Variants in DENND5B observed in about 807,000 individuals in gnomAD.
DENND5B encodes the protein DENN domain-containing protein 5B.
Under a neutral mutation model 140.6 loss-of-function variants are expected in DENND5B, and 34 were observed. The ratio of observed to expected loss-of-function variants is 0.24; its 90% CI spans 0.18 to 0.32. DENND5B has a LOEUF of 0.32. Ranked by LOEUF, DENND5B falls within the 10% of genes least tolerant of loss-of-function variation. The pLI, the probability that DENND5B is intolerant of heterozygous loss-of-function variation, is 1.00. For missense variants in DENND5B, 1,142 were observed against 1,560.2 expected (o/e 0.73, Z 4.52); for synonymous variants, 551 against 562.1 (o/e 0.98, Z 0.28).
chr12:31,447,992 TAC>T (rs1221453287), intron 5 of DENND5B, among the ~76,000 whole-genome samples: 1 of 152,228 alleles, frequency 6.6e-6, no homozygotes, highest in Non-Finnish European at 1.5e-5. Context: ...TTACAAAATT[TAC>T]ATTCTGATCC....
intron 1 of DENND5B, among the ~76,000 whole-genome samples, chr12:31,580,268 G>A (rs1950172931): frequency 6.6e-6 from 1 of 151,854 alleles, no homozygotes; most frequent in South Asian, 2.1e-4. Context: ...ATGCTTGCTT[G>A]CATATACCTG....
intron 7 of DENND5B, among the ~76,000 whole-genome samples, chr12:31,435,700 G>A (rs145103905): frequency 2.0e-5 from 3 of 151,940 alleles, no homozygotes; most frequent in East Asian, 3.9e-4. Context: ...TTGTTCTGTC[G>A]CCCAGGCTGG....
At chr12:31,513,315 C>A (rs957679576) in intron 1 of DENND5B, among the ~76,000 whole-genome samples, 2 of 152,208 alleles carry the variant, frequency 1.3e-5, no homozygotes, top group African/African-American at 4.8e-5. Context: ...CAGAAAAGTT[C>A]TTTTTTCTCT....
chr12:31,435,072 C>T, intron 7 of DENND5B, among the ~76,000 whole-genome samples: 1 of 152,152 alleles, frequency 6.6e-6, no homozygotes, highest in East Asian at 1.9e-4. Context: ...TAATAATCCT[C>T]TACTTCCCTC....
intron 5 of DENND5B, 32 bp from the exon 6 acceptor site, chr12:31,447,801 C>T (rs1210976081): frequency 1.4e-6 from 2 of 1,445,176 alleles, no homozygotes; most frequent in Middle Eastern, 1.7e-4. Flanking sequence ...ATTATTAGTG[C>T]AAAGAGACCA....
chr12:31,423,236 T>C (rs7300482), intron 11 of DENND5B, among the ~76,000 whole-genome samples: 140,185 of 152,052 alleles, frequency 0.92, 65,219 homozygotes, highest in East Asian at 0.99. Context: ...CCACCGTGCC[T>C]AGCATAAAAC....
chr12:31,468,824 AAAC>A (rs537440978), intron 3 of DENND5B, among the ~76,000 whole-genome samples: 2 of 151,004 alleles, frequency 1.3e-5, no homozygotes, highest in Admixed American at 1.3e-4. Context: ...AAAACCAAAC[AAAC>A]AAAAGGAAGT....
Position 31,460,337 on chromosome 12 carries a change from A to G in DENND5B, c.949T>C (p.Leu317=), listed in dbSNP as rs368838927. Residue 317 remains leucine, a synonymous_variant, in exon 4 of 21, where the codon TTG becomes CTG. Transcript: ENST00000389082. ...ACATGTTGCCATTGAAATGGGAACA[A>G]AAGTGTGGTGATGCCTTCTGCCACA... ...MTVAEGITTL[L]FPFQWQHVYV... The G allele has an allele frequency of 3.1e-6, 5 of 1,613,998 alleles. No homozygotes were observed. In the Admixed American group the frequency reaches 8.3e-5, roughly 27 times the overall value.
intron 17 of DENND5B, chr12:31,396,489 A>G (rs1941480877): frequency 6.6e-6 from 1 of 152,554 alleles, no homozygotes; most frequent in Non-Finnish European, 1.5e-5. Flanking sequence ...TTGGTGAAGC[A>G]TTCCATATTT....
chr12:31,520,764 T>C (rs781202199), intron 1 of DENND5B, among the ~76,000 whole-genome samples: 9 of 151,794 alleles, frequency 5.9e-5, no homozygotes, highest in Admixed American at 3.3e-4. Flanking sequence ...ATGGTCTCGA[T>C]CTCCTGACCT....
intron 14 of DENND5B, 134 bp downstream of exon 14, chr12:31,409,127 CTT>C: frequency 1.0e-6 from 1 of 973,514 alleles, no homozygotes; most frequent in Non-Finnish European, 1.4e-6. Flanking sequence ...GGGGAATATC[CTT>C]TACTCCTAAA....
At chr12:31,494,221 T>TCTACCTAC (rs1555162966) in intron 2 of DENND5B, among the ~76,000 whole-genome samples, 1 of 106,566 alleles carries the variant, frequency 9.4e-6, no homozygotes, top group Admixed American at 1.0e-4. Context: ...CCTACCTACC[T>TCTACCTAC]CTACCTACCT....
intron 1 of DENND5B, among the ~76,000 whole-genome samples, chr12:31,545,199 G>GT (rs1948815502): frequency 6.6e-6 from 1 of 151,864 alleles, no homozygotes; most frequent in South Asian, 2.1e-4. Context: ...TTAGCAGCAT[G>GT]TTTTTTCATT....
chr12:31,544,505 G>A (rs1174819904), intron 1 of DENND5B, among the ~76,000 whole-genome samples: 7 of 151,994 alleles, frequency 4.6e-5, no homozygotes, highest in Non-Finnish European at 8.8e-5. Flanking sequence ...GGCTGGTCTC[G>A]AGGTCCTGGG....
chr12:31,491,420 C>A (rs1449255819), intron 2 of DENND5B, among the ~76,000 whole-genome samples: 1 of 152,144 alleles, frequency 6.6e-6, no homozygotes, highest in Non-Finnish European at 1.5e-5. Flanking sequence ...CACCACTGAA[C>A]TGCCAGGGTG....
chr12:31,420,045 A>AC (rs1338627326), intron 11 of DENND5B: 1 of 984,084 alleles, frequency 1.0e-6, no homozygotes, highest in African/African-American at 1.8e-5. Context: ...CTCTACACCT[A>AC]CCCCCTGCCA....
chr12:31,551,085 T>G (rs1223652423), intron 1 of DENND5B, among the ~76,000 whole-genome samples: 1 of 152,142 alleles, frequency 6.6e-6, no homozygotes, highest in East Asian at 1.9e-4. Context: ...CATTTGTCAA[T>G]TTTGGCTTTT....
intron 13 of DENND5B, among the ~76,000 whole-genome samples, chr12:31,411,087 A>G (rs1269272108): frequency 1.3e-5 from 2 of 148,418 alleles, no homozygotes; most frequent in African/African-American, 5.0e-5. Context: ...TGCCCAGGCT[A>G]GAGTGCAATG....
chr12:31,536,494 C>G (rs1296594614), intron 1 of DENND5B, among the ~76,000 whole-genome samples: 1 of 151,500 alleles, frequency 6.6e-6, no homozygotes, highest in African/African-American at 2.4e-5. Flanking sequence ...ATTTAGTGAG[C>G]CTGAAGACAG....
Sources: gnomAD v4.1 joint callset for allele counts (sites outside exome capture counted in the v4.1 genomes callset) on GRCh38, gnomAD v4.1.1 for gene constraint, MANE v1.5 for transcripts, NCBI Gene and HGNC (gene_info 2026-07-23, HGNC 2026-07-21) for gene names.